The following RBM17 variants were observed in gnomAD, a reference collection of about 807,000 sequenced individuals.
RBM17 encodes RNA binding motif protein 17.
In RBM17, 7 loss-of-function variants were observed where a neutral mutation model predicts 53.2. That is an observed-to-expected ratio of 0.13 (90% confidence interval 0.07 to 0.25). The LOEUF is 0.25. Ranked by LOEUF, RBM17 falls within the 10% of genes least tolerant of loss-of-function variation. RBM17 has a pLI of 1.00. For synonymous variants in RBM17, 167 were observed against 178.1 expected, an observed-to-expected ratio of 0.94 and a Z score of 0.50; for missense variants, 257 against 496.7, an observed-to-expected ratio of 0.52 and a Z score of 4.59.
At chr10:6,094,948 C>A (rs1840550173) in intron 1 of RBM17, among the ~76,000 whole-genome samples, 1 of 152,026 alleles carries the variant, frequency 6.6e-6, no homozygotes, top group Non-Finnish European at 1.5e-5. Flanking sequence ...GTGAACAGAA[C>A]AACCTGGATC....
intron 1 of RBM17, among the ~76,000 whole-genome samples, chr10:6,094,506 A>G (rs1175031338): frequency 6.6e-6 from 1 of 152,236 alleles, no homozygotes; most frequent in African/African-American, 2.4e-5. Context: ...GAATAAAGAA[A>G]GAACAGAAGA....
intron 2 of RBM17, among the ~76,000 whole-genome samples, chr10:6,100,842 T>G (rs993683697): frequency 6.6e-6 from 1 of 152,196 alleles, no homozygotes; most frequent in Admixed American, 6.5e-5. Flanking sequence ...TCTCCAACTT[T>G]CTTTCAAATG....
At position 6,112,398 on chromosome 10, in the gene RBM17, G is replaced by A. The variant is rs771188349; in HGVS notation, c.856+37G>A. ...GGGAAGCGTGTGACTAGAGGGAAAG[G>A]ACTGGCCCCATCCATATCAGACATG... On this transcript the variant is annotated intron_variant, in intron 8 of 11. Transcript: ENST00000379888. The surrounding 1 kb of genome is among the most constrained non-coding windows in gnomAD (Gnocchi z 4.4). 38 of 1,611,900 alleles carry A rather than the reference G, an allele frequency of 2.4e-5. No individual in the cohort carries two copies. The highest frequency in any genetic ancestry group is 3.1e-5 in the Non-Finnish European group (37 of 1,178,942).
intron 5 of RBM17, 90 bp from the exon 6 acceptor site, chr10:6,108,596 G>T: frequency 4.1e-6 from 4 of 964,892 alleles, no homozygotes; most frequent in South Asian, 3.0e-5. Flanking sequence ...TTTTCTTAGG[G>T]GGGTGGGTGA....
chr10:6,106,004 T>G (rs1840742792), intron 4 of RBM17, 137 bp from the exon 5 acceptor site: 1 of 598,180 alleles, frequency 1.7e-6, no homozygotes, highest in Non-Finnish European at 3.1e-6. Context: ...TTATGCTTCC[T>G]ACCCCCTCTA....
rs1370655341 is a variant in RBM17 at position 6,089,559 on chromosome 10, A to G, written c.-19+366A>G. 1 of 152,804 alleles carries G rather than the reference A, an allele frequency of 6.5e-6. No individual in the cohort carries two copies. The highest frequency in any genetic ancestry group is 1.9e-4 in the East Asian group (1 of 5,344). 9.5% of individuals were successfully genotyped at this position (152,804 alleles called of 1,614,324 possible). On this transcript the variant is annotated intron_variant, in intron 1 of 11. Coordinates refer to ENST00000379888, the MANE Select transcript of RBM17 (RefSeq NM_032905.5). The surrounding 1 kb of genome is among the most constrained non-coding windows in gnomAD (Gnocchi z 5.6). Reference sequence around the variant, plus strand: ...AATTGTCTGGTCACCAGAACCGAGTAGCCCGTAGCGTGTCCCCCCTGGCCC... The same window carrying G: ...AATTGTCTGGTCACCAGAACCGAGTGGCCCGTAGCGTGTCCCCCCTGGCCC...
intron 1 of RBM17, among the ~76,000 whole-genome samples, chr10:6,093,477 C>T (rs376984285): frequency 1.3e-5 from 2 of 152,152 alleles, no homozygotes; most frequent in East Asian, 1.9e-4. Context: ...CCTCGGTCTC[C>T]CAAAGTGCTG....
intron 5 of RBM17, among the ~76,000 whole-genome samples, chr10:6,106,654 T>G (rs1186345268): frequency 6.6e-6 from 1 of 152,202 alleles, no homozygotes; most frequent in African/African-American, 2.4e-5. Context: ...AAATGTTTGG[T>G]TTTTATTAAC....
rs369740665 is a variant in RBM17 at position 6,117,044 on chromosome 10, C to G, written c.*1488C>G. 2.5e-5 allele frequency: 2 copies of G among 79,676 alleles called. No homozygotes were observed. Among genetic ancestry groups the G allele is most frequent in the Non-Finnish European group, 5.5e-5 (2 of 36,228 alleles). 4.9% of individuals were successfully genotyped at this position (79,676 alleles called of 1,614,324 possible). The stretch of plus-strand genomic sequence containing the variant: ...AAACCATGTTTGTGCTTACAAGTAC[C>G]GGAGTGTGCTTGTTTAATTTTAGAA... On this transcript the variant is annotated 3_prime_UTR_variant, in exon 12 of 12. Coordinates refer to ENST00000379888, the MANE Select transcript of RBM17 (RefSeq NM_032905.5).
At chr10:6,097,326 A>C in intron 2 of RBM17, 138 bp downstream of exon 2, 1 of 861,780 alleles carries the variant, frequency 1.2e-6, no homozygotes, top group Non-Finnish European at 1.8e-6. Flanking sequence ...GGGGAGAGGA[A>C]TGAGGAGTTT....
At chr10:6,102,491 G>A (rs1397923268) in intron 3 of RBM17, among the ~76,000 whole-genome samples, 1 of 152,086 alleles carries the variant, frequency 6.6e-6, no homozygotes, top group Admixed American at 6.6e-5. Context: ...TGGTGGAGGT[G>A]TTTTTTTGCT....
At chr10:6,107,059 TAGA>T (rs1323987036) in intron 5 of RBM17, among the ~76,000 whole-genome samples, 7 of 152,222 alleles carry the variant, frequency 4.6e-5, no homozygotes, top group Non-Finnish European at 7.3e-5. Flanking sequence ...TCAAAGGAAA[TAGA>T]AGAAGGTTTT....
intron 6 of RBM17, 77 bp downstream of exon 6, chr10:6,108,819 C>T (rs1840794063): frequency 8.5e-7 from 1 of 1,178,558 alleles, no homozygotes; most frequent in Non-Finnish European, 1.2e-6. Context: ...AGCTTGGGCC[C>T]CCAGGTTTCC....
Position 6,106,210 on chromosome 10 carries a change from A to G in RBM17, c.477A>G (p.Glu159=), listed in dbSNP as rs147926684. ...CAGATCCAGATTCTGATGAAGATGAAGATTATGAGCGAGAGAGGAGGAAAA... is the reference window on the plus strand; with the variant it reads ...CAGATCCAGATTCTGATGAAGATGAGGATTATGAGCGAGAGAGGAGGAAAA... ...RRPDPDSDED[E]DYERERRKRS... The change falls in exon 5 of 12, where the codon GAA becomes GAG. Residue 159 remains glutamate (E), a synonymous_variant. Coordinates refer to ENST00000379888, the MANE Select transcript of RBM17 (RefSeq NM_032905.5). The G allele has an allele frequency of 6.2e-7, 1 of 1,613,324 alleles. No homozygotes were observed. The highest frequency in any genetic ancestry group is 1.3e-5 in the African/African-American group (1 of 74,936).
chr10:6,093,653 G>A (rs939961888), intron 1 of RBM17, among the ~76,000 whole-genome samples: 7 of 152,188 alleles, frequency 4.6e-5, no homozygotes, highest in African/African-American at 9.7e-5. Flanking sequence ...TGGCACTAAC[G>A]TATTCATAAA....
At position 6,089,183 on chromosome 10, in the gene RBM17, G is replaced by T. The variant is rs1000865210; in HGVS notation, c.-29G>T. The T allele has an allele frequency of 2.0e-5, 3 of 151,726 alleles. No homozygotes were observed. The highest frequency in any genetic ancestry group is 7.3e-5 in the African/African-American group (3 of 41,350). 9.4% of individuals were successfully genotyped at this position (151,726 alleles called of 1,614,324 possible). A position where few individuals can be genotyped will look rare whatever the true frequency, so the allele number is the denominator to read the frequency against. ...GCGCGGCTCATGGGCAGAGTCGGCC[G>T]GGCGGGCCGGGTAAGTGGCGCCCCG... On this transcript the variant is annotated 5_prime_UTR_variant, in exon 1 of 12. Transcript: ENST00000379888. This position sits in a 1 kb window ranked among gnomAD's most constrained non-coding sequence, Gnocchi z 5.6.
chr10:6,089,542 G>C lies in RBM17; in HGVS notation c.-19+349G>C, dbSNP rs1046464203. The C allele has an allele frequency of 6.5e-6, 1 of 152,764 alleles. No homozygotes were observed. Among genetic ancestry groups the C allele is most frequent in the Non-Finnish European group, 1.5e-5 (1 of 68,366 alleles). The allele number at this position is 152,764 out of a possible 1,614,324, so 9.5% of individuals were successfully genotyped here. On this transcript the variant is annotated intron_variant, in intron 1 of 11. Transcript: ENST00000379888. The surrounding 1 kb of genome is among the most constrained non-coding windows in gnomAD (Gnocchi z 5.6). ...GCACCGCATCCTGACGAAATTGTCT[G>C]GTCACCAGAACCGAGTAGCCCGTAG... is the stretch of plus-strand genomic sequence containing the variant.
rs1221195796 is a variant in RBM17 at position 6,115,469 on chromosome 10, T to C, written c.1119T>C (p.Asn373=). The change falls in exon 12 of 12, where the codon AAT becomes AAC. Residue 373 remains asparagine, a synonymous_variant. Transcript: ENST00000379888. ...GCCTTTCAGCGGTTGTTGACTTGAA[T>C]GGGAGGTATTTTGGTGGACGGGTGG... The part of the protein sequence containing the change: ...ESAIKAVVDL[N]GRYFGGRVVK... 5.6e-6 allele frequency: 9 copies of C among 1,613,286 alleles called. No homozygotes were observed. The South Asian group carries it at 9.9e-5, about 18-fold the overall frequency.
At position 6,114,041 on chromosome 10, in the gene RBM17, G is replaced by A; in HGVS notation, c.931-8G>A. 1 of 1,595,916 alleles carries A rather than the reference G, an allele frequency of 6.3e-7. No individual in the cohort carries two copies. The highest frequency in any genetic ancestry group is 8.6e-7 in the Non-Finnish European group (1 of 1,164,690). ...GGTACTTGAATTTGTTTATTTTTGT[G>A]TTTAAAGAACATGGTTGGTGCGGGA... On this transcript the variant is annotated splice_region_variant and splice_polypyrimidine_tract_variant and intron_variant, in intron 9 of 11. Transcript: ENST00000379888.
Sources: gnomAD v4.1 joint callset for allele counts (sites outside exome capture counted in the v4.1 genomes callset) on GRCh38, gnomAD v4.1.1 for gene constraint, Gnocchi (gnomAD v3.1) non-coding constraint, MANE v1.5 for transcripts, NCBI Gene and HGNC (gene_info 2026-07-23, HGNC 2026-07-21) for gene names.